RUNX2: variants seen among roughly 807,000 people sequenced by gnomAD.
The protein encoded by RUNX2 is RUNX family transcription factor 2, also known as runt-related transcription factor 2.
RUNX2 carries 10 observed loss-of-function variants against 51.7 expected under a neutral mutation model. That is an observed-to-expected ratio of 0.19 (90% CI 0.12 to 0.33). The LOEUF (loss-of-function observed/expected upper bound fraction) is 0.33, where lower values mean the gene tolerates loss of function less well. Among genes scored for constraint, RUNX2 ranks in the 10% least tolerant of loss-of-function variants. RUNX2 has a pLI of 1.00. For missense variants in RUNX2, 562 were observed against 691.3 expected (o/e 0.81, Z 2.10); for synonymous variants, 276 against 273.6 (o/e 1.01, Z -0.09).
intron 2 of RUNX2, among the ~76,000 whole-genome samples, chr6:45,356,227 T>A (rs982475168): frequency 3.9e-5 from 6 of 152,138 alleles, no homozygotes; most frequent in East Asian, 3.8e-4. Context: ...AGGTTTTTTT[T>A]AAAATCTACA....
chr6:45,524,700 G>T (rs1479960858), intron 7 of RUNX2, among the ~76,000 whole-genome samples: 2 of 152,070 alleles, frequency 1.3e-5, no homozygotes, highest in Non-Finnish European at 2.9e-5. Flanking sequence ...AATAAAAACA[G>T]GTTTGGAAAA....
chr6:45,490,756 T>G (rs1306026849), intron 5 of RUNX2, among the ~76,000 whole-genome samples: 1 of 152,130 alleles, frequency 6.6e-6, no homozygotes, highest in African/African-American at 2.4e-5. Context: ...TAGTTTCTCT[T>G]CAAGGGGCAA....
intron 2 of RUNX2, among the ~76,000 whole-genome samples, chr6:45,379,045 CCCTT>C (rs891076101): frequency 2.0e-5 from 3 of 152,210 alleles, no homozygotes; most frequent in African/African-American, 7.2e-5. Flanking sequence ...GTTCTGAAAT[CCCTT>C]CCTTCTATTT....
intron 5 of RUNX2, among the ~76,000 whole-genome samples, chr6:45,464,515 ACTC>A (rs535329480): frequency 1.3e-5 from 2 of 152,136 alleles, no homozygotes; most frequent in Non-Finnish European, 2.9e-5. Context: ...GCATTCTAAA[ACTC>A]TATCTACAGC....
At chr6:45,339,063 G>A (rs1789205570) in intron 2 of RUNX2, among the ~76,000 whole-genome samples, 1 of 152,100 alleles carries the variant, frequency 6.6e-6, no homozygotes, top group Admixed American at 6.5e-5. Flanking sequence ...TTACATTAAA[G>A]AAGACATACT....
chr6:45,439,997 A>G (rs996462348), intron 5 of RUNX2, among the ~76,000 whole-genome samples: 1 of 152,228 alleles, frequency 6.6e-6, no homozygotes, highest in Non-Finnish European at 1.5e-5. Flanking sequence ...GCCAGGTGGT[A>G]TACGTGGGAC....
intron 5 of RUNX2, among the ~76,000 whole-genome samples, chr6:45,489,146 C>T (rs542075481): frequency 4.6e-5 from 7 of 152,186 alleles, no homozygotes; most frequent in Admixed American, 3.9e-4. Context: ...TGTGAAGGGG[C>T]AGATATCTAC....
At chr6:45,526,086 T>C (rs1194118867) in intron 7 of RUNX2, among the ~76,000 whole-genome samples, 2 of 152,170 alleles carry the variant, frequency 1.3e-5, no homozygotes, top group African/African-American at 4.8e-5. Flanking sequence ...GCAACTATGA[T>C]AGATGTCAGG....
chr6:45,535,821 C>A (rs891305695), intron 7 of RUNX2, among the ~76,000 whole-genome samples: 4 of 151,692 alleles, frequency 2.6e-5, no homozygotes. Context: ...CCAATGTAAA[C>A]CCAGGCAGGA....
intron 2 of RUNX2, among the ~76,000 whole-genome samples, chr6:45,408,587 T>C (rs1014228367): frequency 6.6e-6 from 1 of 151,974 alleles, no homozygotes; most frequent in African/African-American, 2.4e-5. Flanking sequence ...ATTTAGTGAA[T>C]TAATTGAAAA....
Position 45,545,259 on chromosome 6 carries a change from C to T in RUNX2, c.1064C>T (p.Thr355Ile). Residue 355 changes from threonine to isoleucine, a missense_variant, in exon 8 of 9, where the codon ACT becomes ATT. Thr to Ile is a moderately conservative substitution (Grantham distance 89). Around this residue, in one of 5 missense-constraint regions of RUNX2, gnomAD observed 304 missense variants for 353.2 expected, o/e 0.86. Coordinates refer to ENST00000647337, the MANE Select transcript of RUNX2 (RefSeq NM_001024630.4). ...ATSDFCLWPS[T>I]LSKKSQAGAS... is the part of the protein sequence containing the mutation. ...TCTGACTTCTGCCTCTGGCCTTCCA[C>T]TCTCAGTAAGAAGAGCCAGGCAGGT... 2 of 1,550,500 alleles carry T rather than the reference C, an allele frequency of 1.3e-6. No individual in the cohort carries two copies. The highest frequency in any genetic ancestry group is 1.7e-6 in the Non-Finnish European group (2 of 1,146,920).
chr6:45,476,478 C>T (rs139668049), intron 5 of RUNX2, among the ~76,000 whole-genome samples: 80 of 152,190 alleles, frequency 5.3e-4, no homozygotes, highest in African/African-American at 1.7e-3. Context: ...AATATTTGGA[C>T]GAGAACAAAT....
intron 2 of RUNX2, among the ~76,000 whole-genome samples, chr6:45,367,797 C>G (rs1269403177): frequency 6.6e-6 from 1 of 152,138 alleles, no homozygotes; most frequent in Admixed American, 6.6e-5. Flanking sequence ...AATCCAGTCA[C>G]CAAACCTAGT....
At chr6:45,497,797 C>T (rs1179636458) in intron 6 of RUNX2, among the ~76,000 whole-genome samples, 1 of 152,158 alleles carries the variant, frequency 6.6e-6, no homozygotes, top group African/African-American at 2.4e-5. Context: ...TACACGGTAC[C>T]TGCTTACTAC....
chr6:45,443,956 T>A (rs1472775078), intron 5 of RUNX2, among the ~76,000 whole-genome samples: 1 of 152,152 alleles, frequency 6.6e-6, no homozygotes, highest in Admixed American at 6.5e-5. Flanking sequence ...ATTCAAGCAA[T>A]TACCCTGCCT....
intron 5 of RUNX2, among the ~76,000 whole-genome samples, chr6:45,465,797 G>C (rs753586961): frequency 6.6e-6 from 1 of 150,500 alleles, no homozygotes; most frequent in Non-Finnish European, 1.5e-5. Flanking sequence ...CACCACGCCT[G>C]GCTAATTTTT....
chr6:45,471,416 A>C (rs183640430), intron 5 of RUNX2, among the ~76,000 whole-genome samples: 1 of 150,690 alleles, frequency 6.6e-6, no homozygotes, highest in East Asian at 1.9e-4. Flanking sequence ...AGTGGTACCT[A>C]CATCCCTCGC....
At chr6:45,473,325 G>GCCAGTATTTCC (rs1799860872) in intron 5 of RUNX2, among the ~76,000 whole-genome samples, 1 of 152,112 alleles carries the variant, frequency 6.6e-6, no homozygotes, top group Non-Finnish European at 1.5e-5. Flanking sequence ...TTGACTTTGG[G>GCCAGTATTTCC]AGATGTAGTA....
At chr6:45,465,145 A>G (rs894998900) in intron 5 of RUNX2, among the ~76,000 whole-genome samples, 2 of 152,274 alleles carry the variant, frequency 1.3e-5, no homozygotes, top group Admixed American at 1.3e-4. Context: ...CTTCTGAAAT[A>G]AGGTTACCTG....
Sources: allele counts gnomAD v4.1 joint callset (sites outside exome capture counted in the v4.1 genomes callset), GRCh38; gene constraint gnomAD v4.1.1; regional missense constraint gnomAD v4.1.1; transcripts MANE v1.5; gene names NCBI Gene and HGNC (gene_info 2026-07-23, HGNC 2026-07-21).